The following HPSE2 variants were observed in gnomAD, a reference collection of about 807,000 sequenced individuals.
HPSE2 encodes heparanase 2 (inactive), also known as inactive heparanase-2.
A neutral mutation model predicts 60.5 loss-of-function variants in HPSE2; 38 were observed. The ratio of observed to expected loss-of-function variants is 0.63; its 90% CI spans 0.48 to 0.82. HPSE2 has a LOEUF of 0.82. Ranked by LOEUF, HPSE2 falls within the 40% of genes least tolerant of loss-of-function variation. HPSE2 has a pLI of 0.00. For synonymous variants in HPSE2, 295 were observed against 293.2 expected (o/e 1.01, Z -0.06); for missense variants, 713 against 740.4 (o/e 0.96, Z 0.43).
intron 3 of HPSE2, among the ~76,000 whole-genome samples, chr10:98,776,484 T>C (rs2785230): frequency 0.81 from 123,316 of 151,620 alleles, 50,615 homozygotes; most frequent in African/African-American, 0.89. Flanking sequence ...TAATAAACAG[T>C]ATATCTACAG....
intron 7 of HPSE2, among the ~76,000 whole-genome samples, chr10:98,635,379 G>T (rs1274862669): frequency 6.6e-6 from 1 of 152,068 alleles, no homozygotes; most frequent in Admixed American, 6.6e-5. Flanking sequence ...CCCAGTACAG[G>T]GTATGTATCC....
intron 9 of HPSE2, among the ~76,000 whole-genome samples, chr10:98,555,815 C>A (rs1405965962): frequency 6.6e-6 from 1 of 152,084 alleles, no homozygotes; most frequent in Non-Finnish European, 1.5e-5. Context: ...GTAAAGCAGC[C>A]TTAAGAAGAA....
intron 2 of HPSE2, among the ~76,000 whole-genome samples, chr10:99,214,865 A>C (rs1490007999): frequency 1.3e-5 from 2 of 152,240 alleles, no homozygotes; most frequent in Non-Finnish European, 2.9e-5. Flanking sequence ...CATTAGAGAA[A>C]TGCAAATCAA....
chr10:98,770,085 T>C (rs1589797971), intron 3 of HPSE2, among the ~76,000 whole-genome samples: 1 of 152,282 alleles, frequency 6.6e-6, no homozygotes, highest in Admixed American at 6.5e-5. Context: ...TTCCCAGAAA[T>C]AGTCCAAGTG....
chr10:98,735,399 C>A (rs1220384960), intron 4 of HPSE2, among the ~76,000 whole-genome samples: 1 of 150,424 alleles, frequency 6.6e-6, no homozygotes, highest in African/African-American at 2.4e-5. Context: ...CAAAAGTTTG[C>A]TACAGGGGTG....
At chr10:98,613,109 C>G (rs1327224785) in intron 9 of HPSE2, among the ~76,000 whole-genome samples, 1 of 152,182 alleles carries the variant, frequency 6.6e-6, no homozygotes, top group African/African-American at 2.4e-5. Context: ...CTCAGAGAAG[C>G]CTTTCCTGCA....
At chr10:99,026,434 A>G (rs1173547714) in intron 3 of HPSE2, among the ~76,000 whole-genome samples, 1 of 152,100 alleles carries the variant, frequency 6.6e-6, no homozygotes, top group Non-Finnish European at 1.5e-5. Context: ...TTAAATATAT[A>G]TGCACCCAAC....
At chr10:98,663,317 C>G (rs1392262709) in intron 6 of HPSE2, among the ~76,000 whole-genome samples, 3 of 152,064 alleles carry the variant, frequency 2.0e-5, no homozygotes, top group Non-Finnish European at 4.4e-5. Flanking sequence ...GGGAACTCTG[C>G]TCTCATGGAA....
At chr10:98,811,561 T>C (rs1039301905) in intron 3 of HPSE2, among the ~76,000 whole-genome samples, 1 of 152,114 alleles carries the variant, frequency 6.6e-6, no homozygotes, top group Non-Finnish European at 1.5e-5. Flanking sequence ...AAGAGAACAA[T>C]AAAATATTTA....
At chr10:98,551,837 T>C (rs1589410223) in intron 9 of HPSE2, among the ~76,000 whole-genome samples, 2 of 152,234 alleles carry the variant, frequency 1.3e-5, no homozygotes, top group Admixed American at 1.3e-4. Flanking sequence ...CAAACTTGCC[T>C]GAATATAAAC....
intron 3 of HPSE2, among the ~76,000 whole-genome samples, chr10:98,952,272 G>A (rs952596438): frequency 1.3e-5 from 2 of 151,750 alleles, no homozygotes; most frequent in Admixed American, 6.6e-5. Context: ...TCAAGAAAAT[G>A]TAAGACCATT....
intron 6 of HPSE2, among the ~76,000 whole-genome samples, chr10:98,661,578 GTTC>G (rs1947225989): frequency 6.6e-6 from 1 of 152,066 alleles, no homozygotes; most frequent in South Asian, 2.1e-4. Flanking sequence ...TATGCACATT[GTTC>G]TTAACTTTCC....
chr10:98,885,939 G>A (rs539022034), intron 3 of HPSE2, among the ~76,000 whole-genome samples: 2 of 152,072 alleles, frequency 1.3e-5, no homozygotes, highest in Non-Finnish European at 2.9e-5. Context: ...AAATCTGAAA[G>A]GTGTTGAAAG....
At chr10:98,778,299 A>AG (rs1318703859) in intron 3 of HPSE2, among the ~76,000 whole-genome samples, 5 of 151,626 alleles carry the variant, frequency 3.3e-5, no homozygotes, top group Non-Finnish European at 7.4e-5. Flanking sequence ...AGAGAGAGAA[A>AG]GCAAGAAAGA....
intron 3 of HPSE2, among the ~76,000 whole-genome samples, chr10:99,032,246 A>T (rs528748417): frequency 6.6e-6 from 1 of 152,170 alleles, no homozygotes; most frequent in African/African-American, 2.4e-5. Context: ...AATGTCTTCA[A>T]TTGGCAATTA....
intron 3 of HPSE2, among the ~76,000 whole-genome samples, chr10:98,969,461 T>C (rs1259318118): frequency 6.6e-6 from 1 of 152,148 alleles, no homozygotes; most frequent in Non-Finnish European, 1.5e-5. Flanking sequence ...CCCTACGCAA[T>C]AGGAAAGGGA....
chr10:99,109,493 G>A (rs1249499698), intron 3 of HPSE2, among the ~76,000 whole-genome samples: 1 of 152,168 alleles, frequency 6.6e-6, no homozygotes, highest in African/African-American at 2.4e-5. Context: ...GGGTGGAATA[G>A]ATTATTTCGC....
chr10:98,720,146 A>G (rs1468925452), intron 5 of HPSE2, among the ~76,000 whole-genome samples: 1 of 152,164 alleles, frequency 6.6e-6, no homozygotes, highest in Non-Finnish European at 1.5e-5. Flanking sequence ...AAATGAAAAG[A>G]AAATGGGATA....
At chr10:98,544,542 C>G (rs1294944883) in intron 9 of HPSE2, among the ~76,000 whole-genome samples, 14 of 151,624 alleles carry the variant, frequency 9.2e-5, no homozygotes, top group Non-Finnish European at 1.9e-4. Context: ...AACCCCGTCT[C>G]TACTAAAAAA....
Sources: gnomAD v4.1 joint callset for allele counts (sites outside exome capture counted in the v4.1 genomes callset) on GRCh38, gnomAD v4.1.1 for gene constraint, MANE v1.5 for transcripts, NCBI Gene and HGNC (gene_info 2026-07-23, HGNC 2026-07-21) for gene names.